The following THOC1 variants were observed in gnomAD, a reference collection of about 807,000 sequenced individuals.
THOC1 encodes the protein THO complex 1.
THOC1 carries 29 observed loss-of-function variants against 97.3 expected under a neutral mutation model. The observed-to-expected ratio is 0.30, with a 90% CI of 0.22 to 0.41. The LOEUF (loss-of-function observed/expected upper bound fraction) is 0.41, where lower values mean the gene tolerates loss of function less well. Ranked by LOEUF, THOC1 falls within the 10% of genes least tolerant of loss-of-function variation. The pLI is 1.00. For synonymous variants in THOC1, 255 were observed against 257.0 expected, an observed-to-expected ratio of 0.99 and a Z score of 0.07; for missense variants, 529 against 761.9, an observed-to-expected ratio of 0.69 and a Z score of 3.60.
At chr18:239,322 T>C (rs1283098864) in intron 11 of THOC1, among the ~76,000 whole-genome samples, 1 of 152,238 alleles carries the variant, frequency 6.6e-6, no homozygotes, top group Non-Finnish European at 1.5e-5. Context: ...ATTTATTTTT[T>C]GAGACAGAGT....
chr18:262,023 T>C (rs2143302345), intron 4 of THOC1, among the ~76,000 whole-genome samples: 2 of 152,290 alleles, frequency 1.3e-5, no homozygotes, highest in East Asian at 3.9e-4. Context: ...ACTCCCCAGT[T>C]CCCAAACACC....
rs765546865 is a variant in THOC1, at chr18:259,130, A to G, written c.520+50T>C. On this transcript the variant is annotated intron_variant, in intron 7 of 20. Transcript: ENST00000261600. ...CATGACAGATTTTAATCTATTAAAAACTGGAAAAGATTTTCCTGCAGAAAA... is the reference window on the plus strand; with the variant it reads ...CATGACAGATTTTAATCTATTAAAAGCTGGAAAAGATTTTCCTGCAGAAAA... The G allele has an allele frequency of 1.5e-4, 207 of 1,391,246 alleles. No individual in the cohort carries two copies. The East Asian group carries it at 4.6e-3, about 31-fold the overall frequency. 86.2% of individuals were successfully genotyped at this position (1,391,246 alleles called of 1,614,324 possible).
intron 7 of THOC1, among the ~76,000 whole-genome samples, chr18:257,455 CAGT>C (rs1312532911): frequency 6.6e-6 from 1 of 152,038 alleles, no homozygotes; most frequent in Non-Finnish European, 1.5e-5. Flanking sequence ...TCAGAGGTAT[CAGT>C]AGAATCTCAT....
chr18:266,805 G>A (rs1166638999), intron 1 of THOC1, among the ~76,000 whole-genome samples: 2 of 152,116 alleles, frequency 1.3e-5, no homozygotes, highest in African/African-American at 4.8e-5. Flanking sequence ...CCGAAGTACT[G>A]CATTTACAGG....
At chr18:230,915 A>T (rs1947263955) in intron 11 of THOC1, among the ~76,000 whole-genome samples, 1 of 151,970 alleles carries the variant, frequency 6.6e-6, no homozygotes, top group African/African-American at 2.4e-5. Flanking sequence ...TTTTTCTTTT[A>T]AATTTTTTGT....
chr18:267,745 A>T (rs1389285970), intron 1 of THOC1, among the ~76,000 whole-genome samples: 3 of 152,142 alleles, frequency 2.0e-5, no homozygotes. Context: ...CAGTCCGGGG[A>T]CCCGCTGGAG....
intron 11 of THOC1, among the ~76,000 whole-genome samples, chr18:239,855 AT>A (rs1911837296): frequency 1.3e-5 from 2 of 151,778 alleles, no homozygotes; most frequent in African/African-American, 2.4e-5. Flanking sequence ...CAGAGAAAAA[AT>A]TTTTTTTTCC....
Position 247,903 on chromosome 18 carries a change from G to A in THOC1, c.732C>T (p.Tyr244=), listed in dbSNP as rs769409497. The part of the protein sequence containing the change: ...LYRKFWSLQD[Y]FRNPVQCYEK... The stretch of plus-strand genomic sequence containing the variant: ...CATAGCATTGCACAGGGTTCCTGAA[G>A]TAATCCTGAAGTGACCAGAATTTTC... Residue 244 remains tyrosine, a synonymous_variant, in exon 10 of 21, where the codon TAC becomes TAT. Coordinates refer to ENST00000261600, the MANE Select transcript of THOC1 (RefSeq NM_005131.3). 43 of 1,610,194 alleles carry A rather than the reference G, an allele frequency of 2.7e-5. No homozygotes were observed. Among genetic ancestry groups the A allele is most frequent in the Non-Finnish European group, 3.5e-5 (41 of 1,179,066 alleles).
chr18:233,018 G>A lies in THOC1; in HGVS notation c.919-6117C>T, dbSNP rs536420002. 5.3e-5 allele frequency among the ~76,000 whole-genome samples: 8 copies of A among 152,168 alleles called. No homozygotes were observed. The East Asian group carries it at 1.4e-3, about 26-fold the overall frequency. Reference sequence around the variant, plus strand: ...GCCTTGTCTTTTTACTTTGCCTACGGTATCTTTTGCTATTCAAGACTTTTA... The same window carrying A: ...GCCTTGTCTTTTTACTTTGCCTACGATATCTTTTGCTATTCAAGACTTTTA... On this transcript the variant is annotated intron_variant, in intron 11 of 20. Coordinates refer to ENST00000261600, the MANE Select transcript of THOC1 (RefSeq NM_005131.3).
intron 10 of THOC1, 124 bp from the exon 11 acceptor site, chr18:246,579 C>A (rs1298266002): frequency 2.9e-6 from 2 of 701,532 alleles, no homozygotes; most frequent in Non-Finnish European, 4.6e-6. Context: ...TATTGCAAGG[C>A]ACACTAACAA....
chr18:266,986 G>GTA (rs951010536), intron 1 of THOC1, among the ~76,000 whole-genome samples: 12 of 145,376 alleles, frequency 8.3e-5, no homozygotes, highest in Admixed American at 3.6e-4. Flanking sequence ...GTGTGTGTGT[G>GTA]TATATATATA....
At chr18:258,616 A>G (rs1191203470) in intron 7 of THOC1, among the ~76,000 whole-genome samples, 1 of 152,156 alleles carries the variant, frequency 6.6e-6, no homozygotes, top group Non-Finnish European at 1.5e-5. Flanking sequence ...CATTAGCCCA[A>G]TATTAAGGAA....
intron 20 of THOC1, 40 bp downstream of exon 20, chr18:215,389 C>T (rs1369278872): frequency 6.6e-7 from 1 of 1,520,780 alleles, no homozygotes; most frequent in Admixed American, 1.7e-5. Context: ...CCCCAATCGT[C>T]TTCAATTTTG....
At chr18:233,705 A>G (rs1911574916) in intron 11 of THOC1, among the ~76,000 whole-genome samples, 2 of 152,168 alleles carry the variant, frequency 1.3e-5, no homozygotes, top group African/African-American at 4.8e-5. Flanking sequence ...CTTCTTCTGT[A>G]TATTAGTACT....
intron 17 of THOC1, among the ~76,000 whole-genome samples, chr18:222,950 T>C (rs181247008): frequency 2.0e-5 from 3 of 151,942 alleles, no homozygotes; most frequent in African/African-American, 7.2e-5. Context: ...TGCCATCAGA[T>C]GTTTGCTGGA....
chr18:244,786 C>T (rs1305143862), intron 11 of THOC1: 2 of 152,158 alleles, frequency 1.3e-5, no homozygotes, highest in East Asian at 1.9e-4. Context: ...CCATTTTCTT[C>T]TTTGGAAATC....
At chr18:225,661 G>A (rs920250509) in intron 12 of THOC1, 3 of 408,318 alleles carry the variant, frequency 7.3e-6, no homozygotes, top group African/African-American at 2.1e-5. Context: ...ACTATGAACA[G>A]AGCAATATAT....
intron 11 of THOC1, among the ~76,000 whole-genome samples, chr18:233,615 T>C (rs1160571795): frequency 6.6e-6 from 1 of 152,204 alleles, no homozygotes; most frequent in African/African-American, 2.4e-5. Flanking sequence ...TAATTCATCC[T>C]TTCCTCACTA....
intron 9 of THOC1, 125 bp from the exon 10 acceptor site, chr18:248,082 C>T (rs1912153446): frequency 3.2e-6 from 2 of 623,286 alleles, no homozygotes; most frequent in Admixed American, 3.6e-5. Flanking sequence ...GAAAAGTACA[C>T]ATTCACAAAT....
Sources: gnomAD v4.1 joint callset for allele counts (sites outside exome capture counted in the v4.1 genomes callset) on GRCh38, gnomAD v4.1.1 for gene constraint, MANE v1.5 for transcripts, NCBI Gene and HGNC (gene_info 2026-07-23, HGNC 2026-07-21) for gene names.